Variants in CECR2 observed in about 807,000 individuals in gnomAD.
The protein encoded by CECR2 is CECR2 histone acetyl-lysine reader.
CECR2 carries 30 observed loss-of-function variants against 154.5 expected under a neutral mutation model. That is an observed-to-expected ratio of 0.19 (90% CI 0.15 to 0.26). The LOEUF (loss-of-function observed/expected upper bound fraction) is 0.26. Among genes scored for constraint, CECR2 ranks in the 10% least tolerant of loss-of-function variants. The pLI is 1.00. For synonymous variants in CECR2, 725 were observed against 683.7 expected (o/e 1.06, Z -0.94); for missense variants, 1,743 against 1,829.3 (o/e 0.95, Z 0.86).
Position 17,540,739 on chromosome 22 carries a change from G to A in CECR2, c.1823G>A (p.Gly608Asp). ...PREVGTSNGR[G>D]FSHPLHCGGT... is the part of the protein sequence containing the mutation. ...GAGGTGGGCACTTCCAATGGCCGAG[G>A]TTTTTCTCATCCCCTGCATTGTGGT... The change falls in exon 14 of 19, where the codon GGT becomes GAT. Residue 608 changes from glycine to aspartate, a missense_variant. By Grantham distance (94) the Gly-to-Asp change is moderately conservative. Transcript: ENST00000262608. The A allele has an allele frequency of 6.2e-7, 1 of 1,611,206 alleles. No individual in the cohort carries two copies. The highest frequency in any genetic ancestry group is 1.7e-4 in the Middle Eastern group (1 of 6,038).
chr22:17,503,298 C>T (rs977575381), intron 6 of CECR2, among the ~76,000 whole-genome samples, 167 bp downstream of exon 6: 4 of 152,170 alleles, frequency 2.6e-5, no homozygotes, highest in Admixed American at 2.0e-4. Context: ...TATCCTGTGC[C>T]CAGCTCATCA....
intron 9 of CECR2, among the ~76,000 whole-genome samples, chr22:17,525,496 C>T (rs745389663): frequency 6.6e-6 from 1 of 151,926 alleles, no homozygotes; most frequent in Non-Finnish European, 1.5e-5. Flanking sequence ...ATCCCAGCTA[C>T]TCAGGAGGAT....
chr22:17,548,359 C>G lies in CECR2; in HGVS notation c.3072C>G (p.Pro1024=). ...GTAAAGCAATGAAGGGCAAGAATCC[C>G]TGGCCCTCGGATAGCAGCTACCCCG... ...DNCKAMKGKN[P]WPSDSSYPGP... Residue 1024 remains proline, a synonymous_variant, in exon 17 of 19, where the codon CCC becomes CCG. Transcript: ENST00000262608. 1 of 1,612,820 alleles carries G rather than the reference C, an allele frequency of 6.2e-7. No homozygotes were observed. The highest frequency in any genetic ancestry group is 8.5e-7 in the Non-Finnish European group (1 of 1,179,358).
chr22:17,462,922 A>G (rs924595503), intron 1 of CECR2, among the ~76,000 whole-genome samples: 2 of 151,954 alleles, frequency 1.3e-5, no homozygotes, highest in African/African-American at 4.9e-5. Context: ...AAAAAAATTT[A>G]TTAAATACTC....
chr22:17,365,500 C>T (rs914689859), upstream of CECR2, among the ~76,000 whole-genome samples: 10 of 151,946 alleles, frequency 6.6e-5, no homozygotes, highest in African/African-American at 2.2e-4. Flanking sequence ...CGAGACCAGC[C>T]TGGCTAACAC....
chr22:17,372,874 A>G (rs908684932), intron 1 of CECR2, among the ~76,000 whole-genome samples: 2 of 152,066 alleles, frequency 1.3e-5, no homozygotes, highest in African/African-American at 4.8e-5. Flanking sequence ...GGCTGAACTC[A>G]TGGATTTATA....
chr22:17,518,553 C>G, intron 8 of CECR2: 1 of 281,850 alleles, frequency 3.5e-6, no homozygotes, highest in Non-Finnish European at 7.1e-6. Context: ...TCTAGAATCT[C>G]CTTCTCTGCA....
intron 9 of CECR2, among the ~76,000 whole-genome samples, chr22:17,532,700 C>CTTTTTATTTTT (rs2056375758): frequency 2.8e-5 from 1 of 35,770 alleles, no homozygotes; most frequent in Non-Finnish European, 4.7e-5. Flanking sequence ...CATTATTATT[C>CTTTTTATTTTT]TTTTTTTTTT....
At chr22:17,399,697 C>G (rs1284086750) in intron 1 of CECR2, among the ~76,000 whole-genome samples, 1 of 152,026 alleles carries the variant, frequency 6.6e-6, no homozygotes, top group East Asian at 1.9e-4. Flanking sequence ...CGTGAGCCAC[C>G]GCACCCAACC....
Position 17,552,893 on chromosome 22 carries a change from A to G in CECR2, c.*53A>G. ...TGGAAAGCTGCACACGAAGACTGGA[A>G]TGTGGAGAACTGGGGAGTGCCCTGT... On this transcript the variant is annotated 3_prime_UTR_variant, in exon 19 of 19. Transcript: ENST00000262608. 2 of 1,548,228 alleles carry G rather than the reference A, an allele frequency of 1.3e-6. No individual in the cohort carries two copies. Among genetic ancestry groups the G allele is most frequent in the Non-Finnish European group, 1.7e-6 (2 of 1,145,820 alleles).
intron 7 of CECR2, among the ~76,000 whole-genome samples, chr22:17,505,859 T>TA (rs1555921333): frequency 3.5e-5 from 5 of 143,956 alleles, no homozygotes; most frequent in South Asian, 2.2e-4. Flanking sequence ...TTTTTTTTTT[T>TA]AAGGACAAGC....
At chr22:17,536,693 T>C (rs2056442717) in intron 9 of CECR2, among the ~76,000 whole-genome samples, 1 of 152,222 alleles carries the variant, frequency 6.6e-6, no homozygotes. Flanking sequence ...AAAAAGGATT[T>C]GCGGATGTTG....
At chr22:17,500,166 G>A (rs571943843) in intron 4 of CECR2, among the ~76,000 whole-genome samples, 85 of 146,386 alleles carry the variant, frequency 5.8e-4, no homozygotes, top group African/African-American at 1.6e-3. Flanking sequence ...AGCCGAGATC[G>A]CACCACTGCA....
intron 9 of CECR2, among the ~76,000 whole-genome samples, chr22:17,534,105 A>C (rs2056400973): frequency 6.6e-6 from 1 of 152,152 alleles, no homozygotes; most frequent in Non-Finnish European, 1.5e-5. Flanking sequence ...TTGAGAGAGA[A>C]TGGTATTGGC....
chr22:17,416,072 A>C (rs2054152916), intron 1 of CECR2, among the ~76,000 whole-genome samples: 2 of 152,208 alleles, frequency 1.3e-5, no homozygotes, highest in East Asian at 3.9e-4. Context: ...TGGTGACAAC[A>C]TGAAGCCTGC....
At chr22:17,417,522 T>G (rs1473984069) in intron 1 of CECR2, among the ~76,000 whole-genome samples, 4 of 152,202 alleles carry the variant, frequency 2.6e-5, no homozygotes, top group Non-Finnish European at 5.9e-5. Context: ...CTCGCTATGT[T>G]GCCTCAGGCT....
At chr22:17,381,948 C>T (rs1005317095) in intron 1 of CECR2, among the ~76,000 whole-genome samples, 1 of 151,384 alleles carries the variant, frequency 6.6e-6, no homozygotes, top group East Asian at 1.9e-4. Context: ...AGTGCAGTGG[C>T]ACAATCTTGG....
At chr22:17,520,219 G>T (rs1035488622) in intron 8 of CECR2, among the ~76,000 whole-genome samples, 2 of 152,184 alleles carry the variant, frequency 1.3e-5, no homozygotes, top group Admixed American at 6.5e-5. Context: ...TATTTCACAG[G>T]TTTACACCTA....
rs1491166897 is a variant in CECR2 at position 17,549,783 on chromosome 22, G to GTTTTTTTTTTTTTTTTTTTTTTTTTTTT, written c.4277+219_4277+220insTTTTTTTTTTTTTTTTTTTTTTTTTTTT. 2.3e-5 allele frequency among the ~76,000 whole-genome samples: 2 copies of GTTTTTTTTTTTTTTTTTTTTTTTTTTTT among 88,856 alleles called. 1 individual carries two copies. Among genetic ancestry groups the GTTTTTTTTTTTTTTTTTTTTTTTTTTTT allele is most frequent in the Admixed American group, 2.8e-4 (2 of 7,076 alleles). 58.3% of individuals were successfully genotyped at this position (88,856 alleles called of 152,430 possible). A position where few individuals can be genotyped will look rare whatever the true frequency, so the allele number is the denominator to read the frequency against. On this transcript the variant is annotated intron_variant, in intron 17 of 18. Transcript: ENST00000262608. ...TGCCACCACACCCAGCTAACTTTTT[G>GTTTTTTTTTTTTTTTTTTTTTTTTTTTT]GTTTTTTTTTTTTTTTTTTTTTGGT...
Sources: gnomAD v4.1 joint callset for allele counts (sites outside exome capture counted in the v4.1 genomes callset) on GRCh38, gnomAD v4.1.1 for gene constraint, MANE v1.5 for transcripts, NCBI Gene and HGNC (gene_info 2026-07-23, HGNC 2026-07-21) for gene names.